Variants in LTBP1 observed in about 807,000 individuals in gnomAD.
The protein encoded by LTBP1 is latent transforming growth factor beta binding protein 1, also known as latent-transforming growth factor beta-binding protein 1.
Under a neutral mutation model 207.6 loss-of-function variants are expected in LTBP1, and 129 were observed. That is an observed-to-expected ratio of 0.62 (90% CI 0.54 to 0.72). LTBP1 has a LOEUF of 0.72. Ranked by LOEUF, LTBP1 falls within the 30% of genes least tolerant of loss-of-function variation. The pLI, the probability that LTBP1 is intolerant of heterozygous loss-of-function variation, is 0.00. For missense variants in LTBP1, 2,281 were observed against 2,217.2 expected (o/e 1.03, Z -0.58); for synonymous variants, 963 against 833.7 (o/e 1.16, Z -2.67).
intron 2 of LTBP1, among the ~76,000 whole-genome samples, chr2:32,961,807 G>T (rs919643452): frequency 1.3e-5 from 2 of 152,070 alleles, no homozygotes; most frequent in African/African-American, 4.8e-5. Flanking sequence ...TTAGCCGGGC[G>T]TGGTGGTGGG....
At chr2:33,194,131 C>T (rs13401618) in intron 7 of LTBP1, among the ~76,000 whole-genome samples, 4 of 151,992 alleles carry the variant, frequency 2.6e-5, no homozygotes, top group Admixed American at 1.3e-4. Flanking sequence ...AGACAACAGG[C>T]GCCCGCCACC....
chr2:33,187,992 C>A (rs1424332598), intron 6 of LTBP1, among the ~76,000 whole-genome samples: 1 of 152,150 alleles, frequency 6.6e-6, no homozygotes, highest in African/African-American at 2.4e-5. Flanking sequence ...AATTTCACAG[C>A]TTTATGACTT....
chr2:33,049,898 G>T (rs532274541), intron 3 of LTBP1, among the ~76,000 whole-genome samples: 14 of 151,656 alleles, frequency 9.2e-5, no homozygotes, highest in Admixed American at 7.9e-4. Flanking sequence ...CTGGAGTGCA[G>T]TGGTGTGATC....
intron 18 of LTBP1, among the ~76,000 whole-genome samples, chr2:33,276,589 G>A (rs554113768): frequency 6.6e-6 from 1 of 152,308 alleles, no homozygotes; most frequent in East Asian, 1.9e-4. Context: ...GGTGGCTCAC[G>A]CCTGCAATCC....
chr2:33,360,985 G>A (rs1298738601), intron 27 of LTBP1, among the ~76,000 whole-genome samples: 1 of 152,144 alleles, frequency 6.6e-6, no homozygotes, highest in Non-Finnish European at 1.5e-5. Context: ...TGACAGTCAG[G>A]TTCTTTGTGA....
At chr2:33,077,173 G>T (rs2078128130) in intron 3 of LTBP1, among the ~76,000 whole-genome samples, 1 of 152,178 alleles carries the variant, frequency 6.6e-6, no homozygotes, top group Non-Finnish European at 1.5e-5. Flanking sequence ...GACAACCTGG[G>T]CAGTGCTATG....
intron 5 of LTBP1, among the ~76,000 whole-genome samples, chr2:33,154,371 C>T (rs534899872): frequency 6.6e-6 from 1 of 152,300 alleles, no homozygotes; most frequent in East Asian, 1.9e-4. Flanking sequence ...TTCTCCTTCC[C>T]AGTGAGTAAT....
intron 23 of LTBP1, among the ~76,000 whole-genome samples, chr2:33,310,904 C>T (rs2094176315): frequency 1.3e-5 from 2 of 151,982 alleles, no homozygotes; most frequent in South Asian, 4.1e-4. Context: ...TTTTGATACC[C>T]AATAAATGTT....
intron 12 of LTBP1, among the ~76,000 whole-genome samples, chr2:33,258,080 C>A (rs1050490467): frequency 2.0e-5 from 3 of 152,138 alleles, no homozygotes; most frequent in Non-Finnish European, 4.4e-5. Context: ...TGTAATGGGA[C>A]CTGTGACCAC....
chr2:33,163,059 G>T (rs1344520118), intron 5 of LTBP1, among the ~76,000 whole-genome samples: 1 of 152,184 alleles, frequency 6.6e-6, no homozygotes, highest in Admixed American at 6.5e-5. Context: ...TCGGCTCACT[G>T]CAACTTCTGC....
intron 2 of LTBP1, among the ~76,000 whole-genome samples, chr2:32,955,777 C>G (rs896000781): frequency 2.0e-5 from 3 of 151,990 alleles, no homozygotes; most frequent in African/African-American, 7.3e-5. Flanking sequence ...TCTGTAAATG[C>G]GTGTTTTACT....
At chr2:33,276,119 C>T (rs1464197988) in intron 18 of LTBP1, among the ~76,000 whole-genome samples, 196 bp downstream of exon 18, 1 of 151,992 alleles carries the variant, frequency 6.6e-6, no homozygotes, top group East Asian at 2.0e-4. Flanking sequence ...TCTTCATGCT[C>T]TCATTATTTT....
At chr2:33,201,989 A>C (rs1435463880) in intron 7 of LTBP1, among the ~76,000 whole-genome samples, 1 of 148,134 alleles carries the variant, frequency 6.8e-6, no homozygotes, top group Non-Finnish European at 1.5e-5. Flanking sequence ...AGATATGTTC[A>C]GTAACATCCT....
In LTBP1 at chr2:33,167,614, A is replaced by G. The variant is rs554916939; in HGVS notation, c.1202-19242A>G. Among the ~76,000 whole-genome samples the G allele has an allele frequency of 1.5e-3, 228 of 152,360 alleles. 1 individual carries two copies. Among genetic ancestry groups the G allele is most frequent in the African/African-American group, 5.2e-3 (216 of 41,578 alleles). The stretch of plus-strand genomic sequence containing the variant: ...TTCCAGCTTTGCCCTGGCATCTTCA[A>G]GAATGGCCTTAGGAAAGAGGTCATG... On this transcript the variant is annotated intron_variant, in intron 5 of 33. Transcript: ENST00000404816.
At chr2:33,077,659 A>C (rs940838758) in intron 3 of LTBP1, among the ~76,000 whole-genome samples, 2 of 152,130 alleles carry the variant, frequency 1.3e-5, no homozygotes, top group South Asian at 2.1e-4. Context: ...AACCGGCCCC[A>C]CCTCCAATAT....
rs1249337573 is a variant in LTBP1 at position 33,078,921 on chromosome 2, C to T, written c.864-31661C>T. On this transcript the variant is annotated intron_variant, in intron 3 of 33. Transcript: ENST00000404816. ...GTTGCCAGGCTGGAGTGCAGTGGCA[C>T]GATCTCGGCTCACTGCAAGCTCCGC... 7.2e-5 allele frequency among the ~76,000 whole-genome samples: 9 copies of T among 125,454 alleles called. No individual in the cohort carries two copies. In the South Asian group the frequency reaches 1.2e-3, roughly 16 times the overall value. The allele number at this position is 125,454 out of a possible 152,430, so 82.3% of individuals were successfully genotyped here.
intron 5 of LTBP1, among the ~76,000 whole-genome samples, chr2:33,176,749 C>T (rs1185443717): frequency 6.6e-6 from 1 of 152,100 alleles, no homozygotes; most frequent in Non-Finnish European, 1.5e-5. Context: ...TGTGCTTAAC[C>T]ATCCCAAAGC....
intron 3 of LTBP1, among the ~76,000 whole-genome samples, chr2:33,034,578 A>G (rs1223612048): frequency 6.6e-6 from 1 of 152,180 alleles, no homozygotes; most frequent in African/African-American, 2.4e-5. Context: ...GAGCTGGCAC[A>G]TTTTCAAAGG....
chr2:33,266,960 T>G (rs1255274337), intron 15 of LTBP1, among the ~76,000 whole-genome samples: 1 of 152,182 alleles, frequency 6.6e-6, no homozygotes, highest in Non-Finnish European at 1.5e-5. Context: ...CTGTGGCCCT[T>G]TGGGGAGCCC....
Sources: gnomAD v4.1 joint callset for allele counts (sites outside exome capture counted in the v4.1 genomes callset) on GRCh38, gnomAD v4.1.1 for gene constraint, MANE v1.5 for transcripts, NCBI Gene and HGNC (gene_info 2026-07-23, HGNC 2026-07-21) for gene names.